The following PAPPA2 variants were observed in gnomAD, a reference collection of about 807,000 sequenced individuals.
PAPPA2 encodes pappalysin-2.
Under a neutral mutation model 176.4 loss-of-function variants are expected in PAPPA2, and 86 were observed. The ratio of observed to expected loss-of-function variants is 0.49; its 90% CI spans 0.41 to 0.58. PAPPA2 has a LOEUF of 0.58. PAPPA2 is among the 20% of genes least tolerant of loss of function. The pLI is 0.00. For missense variants in PAPPA2, 2,073 were observed against 2,256.9 expected (o/e 0.92, Z 1.65); for synonymous variants, 809 against 852.2 (o/e 0.95, Z 0.88).
intron 17 of PAPPA2, among the ~76,000 whole-genome samples, chr1:176,787,114 A>G (rs927639386): frequency 6.6e-6 from 1 of 152,254 alleles, no homozygotes; most frequent in Non-Finnish European, 1.5e-5. Flanking sequence ...GGAGGATTCA[A>G]CAAAATAATG....
intron 2 of PAPPA2, among the ~76,000 whole-genome samples, chr1:176,581,841 A>G (rs1259414470): frequency 6.6e-6 from 1 of 151,338 alleles, no homozygotes; most frequent in Admixed American, 6.6e-5. Context: ...ATCAGTTATA[A>G]GAGTTTTTTT....
intron 3 of PAPPA2, among the ~76,000 whole-genome samples, chr1:176,659,276 G>A (rs1658203734): frequency 6.6e-6 from 1 of 151,968 alleles, no homozygotes. Context: ...AGATCAGCAG[G>A]GTTGGTTCTT....
intron 1 of PAPPA2, among the ~76,000 whole-genome samples, chr1:176,535,882 A>G (rs745649336): frequency 2.6e-5 from 4 of 152,202 alleles, no homozygotes; most frequent in Non-Finnish European, 5.9e-5. Context: ...GCCTGTCACT[A>G]TGTGAAAGTG....
intron 1 of PAPPA2, among the ~76,000 whole-genome samples, chr1:176,550,164 G>A (rs1650863895): frequency 6.6e-6 from 1 of 152,158 alleles, no homozygotes; most frequent in South Asian, 2.1e-4. Flanking sequence ...TTCTGGCTGT[G>A]TTCTTACTGT....
At chr1:176,492,485 G>A (rs1647346529) in intron 1 of PAPPA2, among the ~76,000 whole-genome samples, 1 of 152,144 alleles carries the variant, frequency 6.6e-6, no homozygotes, top group Non-Finnish European at 1.5e-5. Flanking sequence ...TAACATCAAG[G>A]TTTGTCAAAA....
chr1:176,675,446 G>A (rs1428987464), intron 4 of PAPPA2, among the ~76,000 whole-genome samples: 1 of 151,980 alleles, frequency 6.6e-6, no homozygotes, highest in Non-Finnish European at 1.5e-5. Flanking sequence ...CAGAGAACTG[G>A]AATCTCTAAT....
chr1:176,607,388 T>C (rs921893951), intron 3 of PAPPA2, among the ~76,000 whole-genome samples: 6 of 152,220 alleles, frequency 3.9e-5, no homozygotes, highest in Admixed American at 1.3e-4. Flanking sequence ...AAGCCTCTAG[T>C]ATCTATCATT....
In PAPPA2 at chr1:176,571,808, T is replaced by C. The variant is rs187960609; in HGVS notation, c.919+14567T>C. On this transcript the variant is annotated intron_variant, in intron 2 of 22. Coordinates refer to ENST00000367662, the MANE Select transcript of PAPPA2 (RefSeq NM_020318.3). ...CTGCTTCTTAGGAGATAGAGTTATG[T>C]GATTACAAGATAAATTCAAAAGAAG... is the stretch of plus-strand genomic sequence containing the variant. Among the ~76,000 whole-genome samples the C allele has an allele frequency of 1.1e-4, 17 of 152,340 alleles. No individual in the cohort carries two copies. In the East Asian group the frequency reaches 3.1e-3, roughly 28 times the overall value.
At chr1:176,840,712 C>T (rs1010265110) in intron 22 of PAPPA2, among the ~76,000 whole-genome samples, 1 of 152,182 alleles carries the variant, frequency 6.6e-6, no homozygotes, top group Non-Finnish European at 1.5e-5. Context: ...CACCAGCCAC[C>T]TGAGCACTCT....
intron 20 of PAPPA2, among the ~76,000 whole-genome samples, chr1:176,799,734 T>C (rs1264731379): frequency 6.6e-6 from 1 of 152,224 alleles, no homozygotes; most frequent in African/African-American, 2.4e-5. Flanking sequence ...ATATTATGCC[T>C]GAAACCAGAT....
At position 176,695,186 on chromosome 1, in the gene PAPPA2, G is replaced by A. The variant is rs556728875; in HGVS notation, c.2625-552G>A. 3.7e-3 allele frequency among the ~76,000 whole-genome samples: 565 copies of A among 152,314 alleles called. 2 individuals are homozygous for A. The highest frequency in any genetic ancestry group is 6.1e-3 in the Non-Finnish European group (418 of 68,028). ...GGTGAGGCTGGAGCTAGCTTGTGAA[G>A]GGCCTTGAGACGTGATAAATAATTT... On this transcript the variant is annotated intron_variant, in intron 6 of 22. Transcript: ENST00000367662.
intron 21 of PAPPA2, among the ~76,000 whole-genome samples, chr1:176,812,204 T>C (rs963674818): frequency 2.6e-5 from 3 of 114,342 alleles, no homozygotes; most frequent in Non-Finnish European, 4.0e-5. Flanking sequence ...TTCTGGGCTT[T>C]TTTGTTCTTT....
chr1:176,835,890 C>G (rs1224559320), intron 21 of PAPPA2, among the ~76,000 whole-genome samples: 1 of 152,110 alleles, frequency 6.6e-6, no homozygotes, highest in African/African-American at 2.4e-5. Context: ...CAGGCCCCCC[C>G]AGGTTCTGCC....
chr1:176,590,286 C>T (rs1346230863), intron 2 of PAPPA2, among the ~76,000 whole-genome samples: 1 of 152,212 alleles, frequency 6.6e-6, no homozygotes, highest in East Asian at 1.9e-4. Context: ...ACTGGTTCAT[C>T]AGAGCCAATT....
intron 3 of PAPPA2, among the ~76,000 whole-genome samples, chr1:176,596,012 C>T (rs1322566375): frequency 2.7e-4 from 41 of 152,330 alleles, no homozygotes; most frequent in Admixed American, 2.6e-3. Context: ...ATAGTCTTAG[C>T]ATCTTGGCAA....
intron 4 of PAPPA2, among the ~76,000 whole-genome samples, chr1:176,675,080 G>T (rs1659221291): frequency 6.6e-6 from 1 of 151,726 alleles, no homozygotes; most frequent in Non-Finnish European, 1.5e-5. Context: ...TGAACTCTTT[G>T]CCTAAGCCAA....
intron 1 of PAPPA2, among the ~76,000 whole-genome samples, chr1:176,531,227 T>A (rs2102552243): frequency 6.6e-6 from 1 of 152,334 alleles, no homozygotes; most frequent in Middle Eastern, 3.4e-3. Context: ...CCAGTAGCTC[T>A]TCATTAATGT....
rs1391951298 is a variant in PAPPA2, at chr1:176,726,764, A to G, written c.3799-12862A>G. Among the ~76,000 whole-genome samples the G allele has an allele frequency of 3.2e-4, 48 of 152,318 alleles. 1 individual carries two copies. The highest frequency in any genetic ancestry group is 3.1e-3 in the Admixed American group (48 of 15,298). On this transcript the variant is annotated intron_variant, in intron 12 of 22. Coordinates refer to ENST00000367662, the MANE Select transcript of PAPPA2 (RefSeq NM_020318.3). Reference sequence around the variant, plus strand: ...GATTTGGATTCTCTAGGAAATACATATTCTGAGATGGAATTTGGTATACAG... The same window carrying G: ...GATTTGGATTCTCTAGGAAATACATGTTCTGAGATGGAATTTGGTATACAG...
chr1:176,799,916 C>A, intron 20 of PAPPA2, 145 bp from the exon 21 acceptor site: 1 of 766,506 alleles, frequency 1.3e-6, no homozygotes, highest in Non-Finnish European at 2.2e-6. Context: ...GCTAGATAGC[C>A]CCAATCCACT....
Sources: allele counts gnomAD v4.1 joint callset (sites outside exome capture counted in the v4.1 genomes callset), GRCh38; gene constraint gnomAD v4.1.1; transcripts MANE v1.5; gene names NCBI Gene and HGNC (gene_info 2026-07-23, HGNC 2026-07-21).